The following HAVCR1 variants were observed in gnomAD, a reference collection of about 807,000 sequenced individuals.
The protein encoded by HAVCR1 is T cell immunoglobin domain and mucin domain protein 1.
Under a neutral mutation model 32.0 loss-of-function variants are expected in HAVCR1, and 34 were observed. The observed-to-expected ratio is 1.06, with a 90% confidence interval of 0.81 to 1.42. The LOEUF (loss-of-function observed/expected upper bound fraction) is 1.42. Among genes scored for constraint, HAVCR1 ranks in the 40% most tolerant of loss-of-function variants. The pLI is 0.00. For missense variants in HAVCR1, 420 were observed against 442.3 expected (o/e 0.95, Z 0.45); for synonymous variants, 178 against 170.3 (o/e 1.05, Z -0.35).
At position 157,055,391 on chromosome 5, in the gene HAVCR1, C is replaced by T; in HGVS notation, c.189G>A (p.Trp63Ter). 1 of 1,613,470 alleles carries T rather than the reference C, an allele frequency of 6.2e-7. No individual in the cohort carries two copies. Among genetic ancestry groups the T allele is most frequent in the Non-Finnish European group, 8.5e-7 (1 of 1,179,428 alleles). ...GATAGGTGACGTGGGTTCCATTGGT[C>T]CAGACAATGCCATTTTGGCATGTGA... is the stretch of plus-strand genomic sequence containing the variant. ...SLFTCQNGIV[W>*]TNGTHVTYRK... Residue 63 changes from tryptophan to a stop codon, truncating the protein, a stop_gained, in exon 3 of 9, where the codon TGG becomes TGA. Coordinates refer to ENST00000523175, the MANE Select transcript of HAVCR1 (RefSeq NM_001173393.3). LOFTEE classifies it high-confidence loss of function.
chr5:157,045,480 A>C (rs1755338841), intron 5 of HAVCR1, among the ~76,000 whole-genome samples: 1 of 152,126 alleles, frequency 6.6e-6, no homozygotes, highest in Admixed American at 6.6e-5. Context: ...CTTTCCAAAT[A>C]TCATATACTC....
chr5:157,035,731 C>T (rs1354982941), intron 7 of HAVCR1, among the ~76,000 whole-genome samples: 1 of 151,968 alleles, frequency 6.6e-6, no homozygotes, highest in Non-Finnish European at 1.5e-5. Context: ...TTTCTTGATA[C>T]AGTTGGCCCT....
At chr5:157,053,681 C>T (rs1322532537) in intron 3 of HAVCR1, among the ~76,000 whole-genome samples, 1 of 150,254 alleles carries the variant, frequency 6.7e-6, no homozygotes, top group Non-Finnish European at 1.5e-5. Flanking sequence ...ACCAGCTTGG[C>T]CAACATGATG....
At chr5:157,048,841 G>A (rs201395256) in intron 5 of HAVCR1, among the ~76,000 whole-genome samples, 197 bp downstream of exon 5, 51 of 47,756 alleles carry the variant, frequency 1.1e-3, no homozygotes, top group Admixed American at 2.1e-3. Context: ...GAAAAAAAAA[G>A]AAAACACACA....
intron 2 of HAVCR1, among the ~76,000 whole-genome samples, chr5:157,056,546 A>AT (rs532314047): frequency 5.2e-4 from 79 of 151,274 alleles, no homozygotes; most frequent in Middle Eastern, 3.4e-3. Context: ...CGCCCGGCTA[A>AT]TTTTTTTGTA....
chr5:157,029,694 C>A lies in HAVCR1; in HGVS notation c.*39G>T. ...GTGCTGATGTCTGTTCAGTCTTCTG[C>A]ACTCATGGGCGTAAACTCTCAAAGA... is the stretch of plus-strand genomic sequence containing the variant. On this transcript the variant is annotated 3_prime_UTR_variant, in exon 9 of 9. Transcript: ENST00000523175. 2 of 1,611,882 alleles carry A rather than the reference C, an allele frequency of 1.2e-6. No individual in the cohort carries two copies. The highest frequency in any genetic ancestry group is 1.7e-6 in the Non-Finnish European group (2 of 1,179,742).
chr5:157,039,530 G>A (rs1754737991), intron 6 of HAVCR1, among the ~76,000 whole-genome samples: 1 of 151,942 alleles, frequency 6.6e-6, no homozygotes, highest in East Asian at 1.9e-4. Context: ...TCTATTTTTA[G>A]TACAGAGGAG....
At chr5:157,068,336 C>G in the HAVCR1 span, among the ~76,000 whole-genome samples, 1 of 152,004 alleles carries the variant, frequency 6.6e-6, no homozygotes, top group Admixed American at 6.6e-5. Flanking sequence ...GTAGGCCCAG[C>G]CCTTTGGGAG....
chr5:157,067,325 C>G, the HAVCR1 span, among the ~76,000 whole-genome samples: 1 of 152,136 alleles, frequency 6.6e-6, no homozygotes, highest in East Asian at 1.9e-4. Context: ...TAAAAGCTGC[C>G]CACCTTCCCA....
chr5:157,041,919 C>T (rs1317823797), intron 6 of HAVCR1, among the ~76,000 whole-genome samples: 3 of 151,954 alleles, frequency 2.0e-5, no homozygotes, highest in Admixed American at 2.0e-4. Flanking sequence ...ATTAGCCAGG[C>T]GTGGTGGCGT....
intron 5 of HAVCR1, among the ~76,000 whole-genome samples, chr5:157,044,421 G>GAGAAAGAAA (rs1755127303): frequency 3.0e-5 from 1 of 33,770 alleles, no homozygotes; most frequent in African/African-American, 1.9e-4. Flanking sequence ...AGGAAGGAAG[G>GAGAAAGAAA]AGAAAGAAAG....
upstream of HAVCR1, among the ~76,000 whole-genome samples, chr5:157,060,304 A>G (rs1266262378): frequency 6.6e-6 from 1 of 152,070 alleles, no homozygotes; most frequent in Admixed American, 6.6e-5. Context: ...CCTACCCCAT[A>G]GATTTCTTCT....
chr5:157,064,173 A>G, the HAVCR1 span, among the ~76,000 whole-genome samples: 3 of 152,140 alleles, frequency 2.0e-5, no homozygotes, highest in African/African-American at 4.8e-5. Context: ...GAAAGATTCC[A>G]GAAGAGATGG....
chr5:157,052,092 C>T (rs2113611452), intron 4 of HAVCR1, among the ~76,000 whole-genome samples: 1 of 152,334 alleles, frequency 6.6e-6, no homozygotes, highest in Non-Finnish European at 1.5e-5. Flanking sequence ...AGATGTTCTA[C>T]ATCCGTGGTC....
intron 2 of HAVCR1, among the ~76,000 whole-genome samples, chr5:157,056,637 C>G (rs1756170915): frequency 6.6e-6 from 1 of 152,058 alleles, no homozygotes; most frequent in African/African-American, 2.4e-5. Flanking sequence ...GCCTTGGCCT[C>G]CCAAAGTGCT....
Position 157,052,635 on chromosome 5 carries a change from TGGA to T in HAVCR1, c.396_398del (p.Pro133del), listed in dbSNP as rs1442993739. On this transcript the variant is annotated inframe_deletion, in exon 4 of 9. Coordinates refer to ENST00000523175, the MANE Select transcript of HAVCR1 (RefSeq NM_001173393.3). ...TGACGGTTGGAACAGTTGTGACAATTGGAGTAGTCGTGACCTTGGCTGGAGTCA... is the reference window on the plus strand; with the variant it reads ...TGACGGTTGGAACAGTTGTGACAATTGTAGTCGTGACCTTGGCTGGAGTCA... The T allele has an allele frequency of 1.9e-6, 3 of 1,613,960 alleles. No homozygotes were observed. Among genetic ancestry groups the T allele is most frequent in the Non-Finnish European group, 2.5e-6 (3 of 1,179,942 alleles).
chr5:157,061,133 A>G (rs1424415276), upstream of HAVCR1, among the ~76,000 whole-genome samples: 1 of 152,108 alleles, frequency 6.6e-6, no homozygotes, highest in Non-Finnish European at 1.5e-5. Context: ...CCTGGCCTCA[A>G]GTGATACGCT....
Position 157,031,773 on chromosome 5 carries a change from T to G in HAVCR1, c.986+1081A>C, listed in dbSNP as rs1237105647. On this transcript the variant is annotated intron_variant, in intron 8 of 8. Coordinates refer to ENST00000523175, the MANE Select transcript of HAVCR1 (RefSeq NM_001173393.3). ...AGGTGGAGGTTGCAGATCACACCAT[T>G]GCATTCCAGCCTGGGTGTCTCAAAA... is the stretch of plus-strand genomic sequence containing the variant. 2.1e-5 allele frequency among the ~76,000 whole-genome samples: 3 copies of G among 144,270 alleles called. No individual in the cohort carries two copies. The Admixed American group carries it at 2.1e-4, about 10-fold the overall frequency. 94.6% of individuals were successfully genotyped at this position (144,270 alleles called of 152,430 possible). A position where few individuals can be genotyped will look rare whatever the true frequency, so the allele number is the denominator to read the frequency against.
At chr5:157,037,382 C>CA (rs764960630) in intron 6 of HAVCR1, 21 bp from the exon 7 acceptor site, 3 of 1,021,488 alleles carry the variant, frequency 2.9e-6, no homozygotes, top group Non-Finnish European at 4.6e-6. Context: ...AACAACAGAT[C>CA]AAAAAAGCAT....
Sources: gnomAD v4.1 joint callset for allele counts (sites outside exome capture counted in the v4.1 genomes callset) on GRCh38, gnomAD v4.1.1 for gene constraint, MANE v1.5 for transcripts, NCBI Gene and HGNC (gene_info 2026-07-23, HGNC 2026-07-21) for gene names.